RYR2: variants seen among roughly 807,000 people sequenced by gnomAD.
RYR2 encodes ryanodine receptor 2.
In RYR2, 227 loss-of-function variants were observed where a neutral mutation model predicts 601.1. The ratio of observed to expected loss-of-function variants is 0.38; its 90% confidence interval spans 0.34 to 0.42. The LOEUF is 0.42. RYR2 is among the 10% of genes least tolerant of loss of function. The pLI is 1.00. For missense variants in RYR2, 4,646 were observed against 6,156.5 expected, an observed-to-expected ratio of 0.75 and a Z score of 8.21; for synonymous variants, 2,223 against 2,175.1, an observed-to-expected ratio of 1.02 and a Z score of -0.61.
chr1:237,511,316 G>C (rs79512635), intron 23 of RYR2, among the ~76,000 whole-genome samples: 37 of 125,696 alleles, frequency 2.9e-4, no homozygotes, highest in Admixed American at 1.7e-3. Context: ...AAAAAAAAAA[G>C]AGTAAGCTGG....
intron 1 of RYR2, among the ~76,000 whole-genome samples, chr1:237,192,721 G>A (rs1249925925): frequency 1.3e-5 from 2 of 152,188 alleles, no homozygotes; most frequent in Non-Finnish European, 2.9e-5. Context: ...TTTCCGCTAA[G>A]GGGTTTAGAA....
chr1:237,275,633 C>T (rs61832458), intron 2 of RYR2, among the ~76,000 whole-genome samples: 21,554 of 151,544 alleles, frequency 0.14, 1,862 homozygotes, highest in Non-Finnish European at 0.19. Context: ...TAATAAGAGA[C>T]GTAACACACT....
intron 1 of RYR2, among the ~76,000 whole-genome samples, chr1:237,267,170 C>G (rs1689156179): frequency 6.6e-6 from 1 of 152,294 alleles, no homozygotes; most frequent in Admixed American, 6.5e-5. Context: ...TAATATTTGA[C>G]TGTTAAAGAT....
At chr1:237,160,950 G>A (rs896531081) in intron 1 of RYR2, among the ~76,000 whole-genome samples, 2 of 152,122 alleles carry the variant, frequency 1.3e-5, no homozygotes, top group Admixed American at 6.5e-5. Context: ...AACCTATGAT[G>A]AGACTGTGTT....
intron 12 of RYR2, among the ~76,000 whole-genome samples, chr1:237,433,336 T>A (rs10429914): frequency 7.0e-6 from 1 of 143,614 alleles, no homozygotes; most frequent in Non-Finnish European, 1.5e-5. Context: ...TTAGAGTAAT[T>A]GATAGTGCTG....
chr1:237,115,628 CACAG>C (rs897087464), intron 1 of RYR2, among the ~76,000 whole-genome samples: 2 of 152,100 alleles, frequency 1.3e-5, no homozygotes, highest in African/African-American at 2.4e-5. Context: ...TTCATTTTCA[CACAG>C]ACAATGTGAT....
chr1:237,185,673 A>G (rs628040), intron 1 of RYR2, among the ~76,000 whole-genome samples: 91,420 of 151,834 alleles, frequency 0.6, 27,615 homozygotes, highest in Non-Finnish European at 0.63. Flanking sequence ...GGTTGGGACA[A>G]GAAGTGATGG....
At chr1:237,275,170 A>C (rs1368422648) in intron 2 of RYR2, among the ~76,000 whole-genome samples, 2 of 152,048 alleles carry the variant, frequency 1.3e-5, no homozygotes, top group African/African-American at 4.8e-5. Context: ...TTTAAATAAA[A>C]ATGAAATTAT....
intron 63 of RYR2, among the ~76,000 whole-genome samples, chr1:237,697,843 C>T (rs1687628536): frequency 6.6e-6 from 1 of 151,960 alleles, no homozygotes; most frequent in African/African-American, 2.4e-5. Flanking sequence ...TCATTATTAC[C>T]AGGAATTCTG....
rs1180951372 is a variant in RYR2 at position 237,517,162 on chromosome 1, A to T, written c.2822+5371A>T. On this transcript the variant is annotated intron_variant, in intron 24 of 104. Transcript: ENST00000366574. The stretch of plus-strand genomic sequence containing the variant: ...TGGTCTCTTCCTGATAATGAGTTAA[A>T]CTTTTTCCTGCCTCACTATTCTGTT... Among the ~76,000 whole-genome samples the T allele has an allele frequency of 3.3e-5, 5 of 151,934 alleles. No individual in the cohort carries two copies. The South Asian group carries it at 1.0e-3, about 32-fold the overall frequency.
At chr1:237,567,368 T>C in intron 28 of RYR2, among the ~76,000 whole-genome samples, 1 of 137,520 alleles carries the variant, frequency 7.3e-6, no homozygotes, top group Non-Finnish European at 1.5e-5. Flanking sequence ...CACTTGGGGC[T>C]AGGAGTGCAA....
intron 87 of RYR2, among the ~76,000 whole-genome samples, chr1:237,774,895 G>C (rs767762143): frequency 1.3e-5 from 2 of 151,988 alleles, no homozygotes; most frequent in Non-Finnish European, 2.9e-5. Flanking sequence ...CTAAGAGTAG[G>C]CATTTCTTGG....
At chr1:237,480,599 T>G (rs891003883) in intron 17 of RYR2, among the ~76,000 whole-genome samples, 1 of 150,822 alleles carries the variant, frequency 6.6e-6, no homozygotes, top group Non-Finnish European at 1.5e-5. Context: ...TCTATTTTTT[T>G]ATAAATCATG....
At chr1:237,299,267 G>A (rs983277126) in intron 2 of RYR2, among the ~76,000 whole-genome samples, 14 of 151,924 alleles carry the variant, frequency 9.2e-5, no homozygotes, top group African/African-American at 2.4e-5. Context: ...AGAATTAAGA[G>A]TTATCATTGA....
At chr1:237,390,371 A>G (rs115962937) in intron 10 of RYR2, among the ~76,000 whole-genome samples, 271 of 152,316 alleles carry the variant, frequency 1.8e-3, no homozygotes, top group African/African-American at 6.4e-3. Context: ...TGTAGGTGAC[A>G]TAGTTTCTTT....
intron 1 of RYR2, among the ~76,000 whole-genome samples, chr1:237,198,323 C>A (rs1437909385): frequency 1.3e-5 from 2 of 152,082 alleles, no homozygotes; most frequent in African/African-American, 4.8e-5. Flanking sequence ...GTATTGCTAT[C>A]TGAACTATGC....
rs78013042 is a variant in RYR2 at position 237,406,402 on chromosome 1, A to C, written c.774-10647A>C. Among the ~76,000 whole-genome samples, 404 of 151,612 alleles carry C rather than the reference A, an allele frequency of 2.7e-3. 1 individual carries two copies. Among genetic ancestry groups the C allele is most frequent in the African/African-American group, 9.3e-3 (384 of 41,238 alleles). On this transcript the variant is annotated intron_variant, in intron 10 of 104. Coordinates refer to ENST00000366574, the MANE Select transcript of RYR2 (RefSeq NM_001035.3). ...TGTGTCTAGAATATGAATGGTAAAC[A>C]ATTAGTGTTTGTTTTTGGCTAAATA...
In RYR2 at chr1:237,454,559, T is replaced by G. The variant is rs1160008331; in HGVS notation, c.1461T>G (p.Asn487Lys). ...NRLRALKNRQ[N>K]LFQEEGMINL... ...TACGAGCCCTGAAGAATCGGCAAAA[T>G]CTCTTCCAGGAAGAGGTCCGTTTCT... The change falls in exon 15 of 105, where the codon AAT becomes AAG. Residue 487 changes from asparagine (N) to lysine (K), a missense_variant. By Grantham distance (94) the Asn-to-Lys change is moderately conservative. Coordinates refer to ENST00000366574, the MANE Select transcript of RYR2 (RefSeq NM_001035.3). 1 of 1,612,936 alleles carries G rather than the reference T, an allele frequency of 6.2e-7. No homozygotes were observed. The highest frequency in any genetic ancestry group is 1.3e-5 in the African/African-American group (1 of 74,848).
At chr1:237,717,161 G>A in intron 71 of RYR2, 37 bp from the exon 72 acceptor site, 6 of 1,600,492 alleles carry the variant, frequency 3.7e-6, no homozygotes, top group Non-Finnish European at 5.1e-6. Context: ...TGTGAGAAAA[G>A]CAGGTTCAGA....
Sources: gnomAD v4.1 joint callset for allele counts (sites outside exome capture counted in the v4.1 genomes callset) on GRCh38, gnomAD v4.1.1 for gene constraint, MANE v1.5 for transcripts, NCBI Gene and HGNC (gene_info 2026-07-23, HGNC 2026-07-21) for gene names.